The following SLIT2 variants were observed in gnomAD, a reference collection of about 807,000 sequenced individuals.
The protein encoded by SLIT2 is slit guidance ligand 2.
SLIT2 carries 41 observed loss-of-function variants against 185.7 expected under a neutral mutation model. The observed-to-expected ratio is 0.22, with a 90% CI of 0.17 to 0.29. SLIT2 has a LOEUF of 0.29. SLIT2 is among the 10% of genes least tolerant of loss of function. The pLI is 1.00. For synonymous variants in SLIT2, 693 were observed against 680.2 expected, an observed-to-expected ratio of 1.02 and a Z score of -0.29; for missense variants, 1,571 against 1,909.0, an observed-to-expected ratio of 0.82 and a Z score of 3.30.
intron 36 of SLIT2, among the ~76,000 whole-genome samples, 192 bp from the exon 37 acceptor site, chr4:20,618,576 C>G (rs148446625): frequency 6.6e-6 from 1 of 152,264 alleles, no homozygotes; most frequent in African/African-American, 2.4e-5. Flanking sequence ...TAATAGCATT[C>G]ACTTTGCTGA....
intron 26 of SLIT2, among the ~76,000 whole-genome samples, chr4:20,566,454 T>G (rs1050049934): frequency 6.6e-6 from 1 of 152,090 alleles, no homozygotes; most frequent in Non-Finnish European, 1.5e-5. Context: ...TTGTTAGTCA[T>G]TTGTCCAATA....
At chr4:20,388,771 C>T (rs1206108242) in intron 4 of SLIT2, among the ~76,000 whole-genome samples, 10 of 112,626 alleles carry the variant, frequency 8.9e-5, no homozygotes, top group African/African-American at 3.9e-4. Context: ...GAGACTCCGT[C>T]TCAGGGGAAA....
At chr4:20,358,067 A>G (rs999635620) in intron 4 of SLIT2, among the ~76,000 whole-genome samples, 1 of 152,108 alleles carries the variant, frequency 6.6e-6, no homozygotes, top group Non-Finnish European at 1.5e-5. Context: ...TGGTTGGATG[A>G]CGGTATGTAT....
At chr4:20,595,399 A>G (rs1163221645) in intron 30 of SLIT2, among the ~76,000 whole-genome samples, 2 of 152,040 alleles carry the variant, frequency 1.3e-5, no homozygotes, top group East Asian at 3.9e-4. Context: ...AAAGGAAGGA[A>G]GAGGGAGGAG....
intron 4 of SLIT2, among the ~76,000 whole-genome samples, chr4:20,310,186 C>T (rs1032936286): frequency 6.6e-6 from 1 of 152,084 alleles, no homozygotes; most frequent in African/African-American, 2.4e-5. Flanking sequence ...TTTAATGTTT[C>T]TCATTGTACA....
intron 5 of SLIT2, among the ~76,000 whole-genome samples, chr4:20,470,363 C>G (rs1286371049): frequency 1.3e-5 from 2 of 152,008 alleles, no homozygotes; most frequent in African/African-American, 2.4e-5. Context: ...TGAATATGCA[C>G]AAGACCTTGA....
chr4:20,397,696 G>A (rs926228462), intron 4 of SLIT2, among the ~76,000 whole-genome samples: 2 of 151,746 alleles, frequency 1.3e-5, no homozygotes, highest in Non-Finnish European at 2.9e-5. Flanking sequence ...GATTATTCCT[G>A]TTTTAATTTT....
chr4:20,511,436 T>A (rs1719703031), intron 11 of SLIT2, among the ~76,000 whole-genome samples: 1 of 146,012 alleles, frequency 6.8e-6, no homozygotes, highest in African/African-American at 2.5e-5. Context: ...TTTTTTTTTT[T>A]TTTGAGACGG....
intron 4 of SLIT2, among the ~76,000 whole-genome samples, chr4:20,312,933 AT>A (rs1197407608): frequency 6.6e-6 from 1 of 152,124 alleles, no homozygotes; most frequent in East Asian, 1.9e-4. Flanking sequence ...TCTATAAGAA[AT>A]TGAAATAAAT....
chr4:20,579,038 A>G (rs921498361), intron 29 of SLIT2, among the ~76,000 whole-genome samples: 39 of 152,018 alleles, frequency 2.6e-4, no homozygotes, highest in Non-Finnish European at 5.9e-5. Flanking sequence ...GCTCATGCCT[A>G]TAATCCTGGC....
chr4:20,613,893 T>C (rs1267043017), intron 34 of SLIT2, among the ~76,000 whole-genome samples: 1 of 152,098 alleles, frequency 6.6e-6, no homozygotes, highest in Non-Finnish European at 1.5e-5. Flanking sequence ...TTTTCTGAGA[T>C]GGAGTTTCGC....
At chr4:20,292,883 A>T (rs554432768) in intron 4 of SLIT2, among the ~76,000 whole-genome samples, 1 of 152,200 alleles carries the variant, frequency 6.6e-6, no homozygotes, top group Admixed American at 6.5e-5. Context: ...TATTGATACA[A>T]TGATAATGAC....
At chr4:20,443,383 A>AAAGTTCAAGGGATTGGTGCTTTAGGGG (rs1367647613) in intron 4 of SLIT2, among the ~76,000 whole-genome samples, 1 of 152,088 alleles carries the variant, frequency 6.6e-6, no homozygotes, top group African/African-American at 2.4e-5. Flanking sequence ...TTGAGGACTA[A>AAAGTTCAAGGGATTGGTGCTTTAGGGG]AAGTTCAAGG....
intron 9 of SLIT2, among the ~76,000 whole-genome samples, chr4:20,502,096 G>A (rs1023520420): frequency 9.9e-5 from 15 of 151,976 alleles, no homozygotes; most frequent in Admixed American, 3.3e-4. Flanking sequence ...TTGTTAAATC[G>A]TGTGATAACT....
chr4:20,273,641 C>T (rs1338069923), intron 4 of SLIT2, among the ~76,000 whole-genome samples: 1 of 152,084 alleles, frequency 6.6e-6, no homozygotes, highest in Admixed American at 6.5e-5. Flanking sequence ...GTAGACATAA[C>T]ACAATCAAAA....
At chr4:20,576,863 A>G (rs1260107328) in intron 29 of SLIT2, among the ~76,000 whole-genome samples, 1 of 152,172 alleles carries the variant, frequency 6.6e-6, no homozygotes, top group Non-Finnish European at 1.5e-5. Flanking sequence ...ACTGAGTTAA[A>G]TATTTTCTGA....
At chr4:20,511,892 T>TC (rs1719790118) in intron 11 of SLIT2, among the ~76,000 whole-genome samples, 1 of 152,042 alleles carries the variant, frequency 6.6e-6, no homozygotes, top group Non-Finnish European at 1.5e-5. Context: ...ATCACCTTAA[T>TC]ACTTTCCTAA....
chr4:20,345,502 CCTTTTTTCTTTTTCTTTTT>C (rs1346060844), intron 4 of SLIT2, among the ~76,000 whole-genome samples: 6 of 149,824 alleles, frequency 4.0e-5, no homozygotes, highest in Non-Finnish European at 8.9e-5. Flanking sequence ...TTTTTTTTTT[CCTTTTTTCTTTTTCTTTTT>C]CTTTTTTCCT....
intron 4 of SLIT2, among the ~76,000 whole-genome samples, chr4:20,434,008 A>G (rs564409660): frequency 6.6e-6 from 1 of 152,310 alleles, no homozygotes; most frequent in Admixed American, 6.5e-5. Flanking sequence ...TAATTGAATT[A>G]AAAGGTTCTA....
Sources: allele counts gnomAD v4.1 joint callset (sites outside exome capture counted in the v4.1 genomes callset), GRCh38; gene constraint gnomAD v4.1.1; transcripts MANE v1.5; gene names NCBI Gene and HGNC (gene_info 2026-07-23, HGNC 2026-07-21).